Variants in FKBP14 observed in about 807,000 individuals in gnomAD.
The protein encoded by FKBP14 is peptidyl-prolyl cis-trans isomerase FKBP14.
Under a neutral mutation model 21.6 loss-of-function variants are expected in FKBP14, and 20 were observed. The ratio of observed to expected loss-of-function variants is 0.92; its 90% CI spans 0.65 to 1.34. The LOEUF (loss-of-function observed/expected upper bound fraction) is 1.34, where lower values mean the gene tolerates loss of function less well. FKBP14 is among the 40% of genes most tolerant of loss of function. The pLI, the probability that FKBP14 is intolerant of heterozygous loss-of-function variation, is 0.00. For missense variants in FKBP14, 253 were observed against 249.0 expected, an observed-to-expected ratio of 1.02 and a Z score of -0.11; for synonymous variants, 79 against 86.7, an observed-to-expected ratio of 0.91 and a Z score of 0.49.
rs547697202 is a variant in FKBP14, at chr7:30,014,322, G to A, written c.*413C>T. 5 of 152,896 alleles carry A rather than the reference G, an allele frequency of 3.3e-5. No homozygotes were observed. The South Asian group carries it at 1.0e-3, about 32-fold the overall frequency. The allele number at this position is 152,896 out of a possible 1,614,324, so 9.5% of individuals were successfully genotyped here. On this transcript the variant is annotated 3_prime_UTR_variant, in exon 4 of 4. Transcript: ENST00000222803. ...TTATAACATGAAAATAGCAAGCCTTGGGCTATTGCAAAAGGCTTTTCAAAT... is the reference window on the plus strand; with the variant it reads ...TTATAACATGAAAATAGCAAGCCTTAGGCTATTGCAAAAGGCTTTTCAAAT...
chr7:30,006,158 G>C (rs971146101), downstream of FKBP14, among the ~76,000 whole-genome samples: 2 of 115,786 alleles, frequency 1.7e-5, no homozygotes, highest in African/African-American at 6.8e-5. Context: ...GTCTCCCTCT[G>C]TTACCCAGGC....
At chr7:30,021,393 A>G (rs1020660480) in intron 2 of FKBP14, among the ~76,000 whole-genome samples, 3 of 152,116 alleles carry the variant, frequency 2.0e-5, no homozygotes, top group Admixed American at 2.0e-4. Context: ...GCCATATTTT[A>G]TTTAGCTAAA....
In FKBP14 at chr7:30,013,021, A is replaced by G. The variant is rs1394866528; in HGVS notation, c.*1714T>C. ...ATTTCCTCGTCTATAAATTAGGTAC[A>G]GTGAGATCCACCAGCTTGTTTTATG... On this transcript the variant is annotated 3_prime_UTR_variant, in exon 4 of 4. Coordinates refer to ENST00000222803, the MANE Select transcript of FKBP14 (RefSeq NM_017946.4). The G allele has an allele frequency of 1.3e-5, 2 of 152,196 alleles. No individual in the cohort carries two copies. Among genetic ancestry groups the G allele is most frequent in the East Asian group, 1.9e-4 (1 of 5,192 alleles). 9.4% of individuals were successfully genotyped at this position (152,196 alleles called of 1,614,324 possible). A position where few individuals can be genotyped will look rare whatever the true frequency, so the allele number is the denominator to read the frequency against.
chr7:30,010,498 C>A (rs536204107), downstream of FKBP14: 1 of 152,288 alleles, frequency 6.6e-6, no homozygotes, highest in East Asian at 1.9e-4. Flanking sequence ...CCATCTTCCT[C>A]ACTTTTGGTA....
chr7:30,012,104 A>C lies in FKBP14; in HGVS notation c.*2631T>G, dbSNP rs1035335523. The C allele has an allele frequency of 6.6e-6, 1 of 152,256 alleles. No homozygotes were observed. The highest frequency in any genetic ancestry group is 1.5e-5 in the Non-Finnish European group (1 of 68,046). 9.4% of individuals were successfully genotyped at this position (152,256 alleles called of 1,614,324 possible). A position where few individuals can be genotyped will look rare whatever the true frequency, so the allele number is the denominator to read the frequency against. On this transcript the variant is annotated 3_prime_UTR_variant, in exon 4 of 4. Coordinates refer to ENST00000222803, the MANE Select transcript of FKBP14 (RefSeq NM_017946.4). ...CACAACGATGAAATAACCTAATTAG[A>C]CATTTCTCAGAGTGCATCTCCATCA...
downstream of FKBP14, among the ~76,000 whole-genome samples, chr7:30,009,734 A>G (rs1789679243): frequency 6.6e-6 from 1 of 151,766 alleles, no homozygotes; most frequent in Admixed American, 6.6e-5. Flanking sequence ...TCACGCCTGT[A>G]ATCCCAGCCC....
Position 30,011,863 on chromosome 7 carries a change from T to C in FKBP14, c.*2872A>G, listed in dbSNP as rs756017201. ...CGTGAACCACTGCACCTGACCAGAT[T>C]TTTTACAAAATCTTTTATACCATAT... On this transcript the variant is annotated 3_prime_UTR_variant, in exon 4 of 4. Coordinates refer to ENST00000222803, the MANE Select transcript of FKBP14 (RefSeq NM_017946.4). The C allele has an allele frequency of 1.5e-4, 23 of 152,052 alleles. 1 individual carries two copies. Among genetic ancestry groups the C allele is most frequent in the Non-Finnish European group, 2.9e-4 (20 of 68,016 alleles). The allele number at this position is 152,052 out of a possible 1,614,324, so 9.4% of individuals were successfully genotyped here. A position where few individuals can be genotyped will look rare whatever the true frequency, so the allele number is the denominator to read the frequency against.
intron 1 of FKBP14, among the ~76,000 whole-genome samples, chr7:30,024,142 A>G (rs957510545): frequency 6.6e-6 from 1 of 152,178 alleles, no homozygotes; most frequent in Admixed American, 6.5e-5. Context: ...AAAAGAAGTC[A>G]CTGTACTACG....
At chr7:30,025,600 T>A (rs1181047836) in intron 1 of FKBP14, 2 of 152,230 alleles carry the variant, frequency 1.3e-5, no homozygotes, top group Admixed American at 1.3e-4. Context: ...ATGGAATGAA[T>A]GGAACCGATG....
downstream of FKBP14, among the ~76,000 whole-genome samples, chr7:30,008,942 G>A (rs1007999482): frequency 1.7e-4 from 25 of 149,386 alleles, no homozygotes; most frequent in Admixed American, 3.3e-4. Context: ...GCGAGAATCC[G>A]TCTCCAAAAA....
rs373201248 is a variant in FKBP14, at chr7:30,017,650, C to T, written c.477+1346G>A. Among the ~76,000 whole-genome samples, 63 of 152,168 alleles carry T rather than the reference C, an allele frequency of 4.1e-4. 1 individual carries two copies. Among genetic ancestry groups the T allele is most frequent in the African/African-American group, 1.4e-3 (57 of 41,508 alleles). Reference sequence around the variant, plus strand: ...TCTTGAAGTCTCAGCCTCAAGCAATCTTCCTGCCTCAGCCTTCCAAAGTGG... The same window carrying T: ...TCTTGAAGTCTCAGCCTCAAGCAATTTTCCTGCCTCAGCCTTCCAAAGTGG... On this transcript the variant is annotated intron_variant, in intron 3 of 3. Coordinates refer to ENST00000222803, the MANE Select transcript of FKBP14 (RefSeq NM_017946.4).
At chr7:30,008,868 G>A (rs567943725), downstream of FKBP14, among the ~76,000 whole-genome samples, 1 of 151,972 alleles carries the variant, frequency 6.6e-6, no homozygotes, top group South Asian at 2.1e-4. Context: ...CCCAGGCTGA[G>A]GCAGGAGAAT....
In FKBP14 at chr7:30,013,188, A is replaced by G. The variant is rs550866227; in HGVS notation, c.*1547T>C. On this transcript the variant is annotated 3_prime_UTR_variant, in exon 4 of 4. Transcript: ENST00000222803. ...AAGCCAATTTAAAATAAAATTATAT[A>G]TATTTTTTTCTTTTTTAAAATCCAG... 4 of 152,080 alleles carry G rather than the reference A, an allele frequency of 2.6e-5. No individual in the cohort carries two copies. Among genetic ancestry groups the G allele is most frequent in the African/African-American group, 9.6e-5 (4 of 41,526 alleles). 9.4% of individuals were successfully genotyped at this position (152,080 alleles called of 1,614,324 possible). A position where few individuals can be genotyped will look rare whatever the true frequency, so the allele number is the denominator to read the frequency against.
In FKBP14 at chr7:30,026,298, G is replaced by T; in HGVS notation, c.197+14C>A. On this transcript the variant is annotated intron_variant, in intron 1 of 3. Coordinates refer to ENST00000222803, the MANE Select transcript of FKBP14 (RefSeq NM_017946.4). Reference sequence around the variant, plus strand: ...TCTTAATTACTATTTTACCTGCGGGGCATAATTACTTACGTGGAGTGAAAT... The same window carrying T: ...TCTTAATTACTATTTTACCTGCGGGTCATAATTACTTACGTGGAGTGAAAT... 1 of 1,589,732 alleles carries T rather than the reference G, an allele frequency of 6.3e-7. No homozygotes were observed.
Position 30,012,649 on chromosome 7 carries a change from TGGG to T in FKBP14, c.*2083_*2085del, listed in dbSNP as rs1428382487. On this transcript the variant is annotated 3_prime_UTR_variant, in exon 4 of 4. Transcript: ENST00000222803. ...TTCATAATTCTTTTTAAACAACAAATGGGGGTAAATATGAATGAAAGAAGTAAA... is the reference window on the plus strand; with the variant it reads ...TTCATAATTCTTTTTAAACAACAAATGGTAAATATGAATGAAAGAAGTAAA... 2.0e-5 allele frequency: 3 copies of T among 152,178 alleles called. No individual in the cohort carries two copies. The highest frequency in any genetic ancestry group is 7.2e-5 in the African/African-American group (3 of 41,454). 9.4% of individuals were successfully genotyped at this position (152,178 alleles called of 1,614,324 possible).
Position 30,011,375 on chromosome 7 carries a change from C to T in FKBP14, c.*3360G>A, listed in dbSNP as rs1053620944. ...ACATTTTTTATAAATTTTAGTGTCA[C>T]CTAAGTGTACGGTGTTTATAAAGTC... is the stretch of plus-strand genomic sequence containing the variant. On this transcript the variant is annotated 3_prime_UTR_variant, in exon 4 of 4. Coordinates refer to ENST00000222803, the MANE Select transcript of FKBP14 (RefSeq NM_017946.4). 2.0e-5 allele frequency: 3 copies of T among 151,322 alleles called. No individual in the cohort carries two copies. Among genetic ancestry groups the T allele is most frequent in the Non-Finnish European group, 2.9e-5 (2 of 67,880 alleles). The allele number at this position is 151,322 out of a possible 1,614,324, so 9.4% of individuals were successfully genotyped here.
intron 1 of FKBP14, among the ~76,000 whole-genome samples, chr7:30,026,029 C>A (rs1168105841): frequency 1.3e-5 from 2 of 152,152 alleles, no homozygotes; most frequent in Non-Finnish European, 2.9e-5. Context: ...CAATTATACA[C>A]CCAGATATAT....
chr7:30,024,350 A>G (rs1347225633), intron 1 of FKBP14, among the ~76,000 whole-genome samples: 1 of 152,226 alleles, frequency 6.6e-6, no homozygotes, highest in African/African-American at 2.4e-5. Context: ...AATTTATCCC[A>G]TAGGCTATGG....
downstream of FKBP14, among the ~76,000 whole-genome samples, chr7:30,007,499 C>T (rs1039767983): frequency 2.4e-4 from 36 of 152,214 alleles, no homozygotes; most frequent in Admixed American, 2.3e-3. Flanking sequence ...TGAGCCACTG[C>T]GCCCAGCCCA....
Sources: allele counts gnomAD v4.1 joint callset (sites outside exome capture counted in the v4.1 genomes callset), GRCh38; gene constraint gnomAD v4.1.1; transcripts MANE v1.5; gene names NCBI Gene and HGNC (gene_info 2026-07-23, HGNC 2026-07-21).